MYOM2: variants seen among roughly 807,000 people sequenced by gnomAD.
MYOM2 encodes the protein myomesin-2.
MYOM2 carries 254 observed loss-of-function variants against 187.6 expected under a neutral mutation model. That is an observed-to-expected ratio of 1.35 (90% confidence interval 1.22 to 1.50). MYOM2 has a LOEUF of 1.50. Among genes scored for constraint, MYOM2 ranks in the 40% most tolerant of loss-of-function variants. The pLI is 0.00. For missense variants in MYOM2, 2,796 were observed against 1,924.0 expected, an observed-to-expected ratio of 1.45 and a Z score of -8.48; for synonymous variants, 981 against 753.8, an observed-to-expected ratio of 1.30 and a Z score of -4.94.
intron 14 of MYOM2, among the ~76,000 whole-genome samples, chr8:2,089,182 A>G (rs1239558675): frequency 2.4e-5 from 1 of 41,310 alleles, no homozygotes; most frequent in Non-Finnish European, 6.3e-5. Flanking sequence ...TACTTTCGAA[A>G]AAGGCGTTTT....
At chr8:2,132,198 G>A (rs1217614680) in intron 32 of MYOM2, among the ~76,000 whole-genome samples, 1 of 152,168 alleles carries the variant, frequency 6.6e-6, no homozygotes, top group Non-Finnish European at 1.5e-5. Flanking sequence ...ATGAAGCCAG[G>A]GAGTGGAGCT....
chr8:2,094,203 A>C, intron 17 of MYOM2, 112 bp downstream of exon 17: 1 of 1,378,824 alleles, frequency 7.3e-7, no homozygotes, highest in Non-Finnish European at 9.9e-7. Context: ...AAAGGGGACT[A>C]AATTCCTGAA....
intron 14 of MYOM2, among the ~76,000 whole-genome samples, chr8:2,086,363 C>T (rs1295796800): frequency 0.01 from 173 of 16,936 alleles, 22 homozygotes; most frequent in East Asian, 0.015. Flanking sequence ...CGTGGCCTCC[C>T]ACTGTTGTGA....
intron 13 of MYOM2, 69 bp from the exon 14 acceptor site, chr8:2,085,194 G>T (rs977118615): frequency 5.1e-6 from 8 of 1,571,498 alleles, no homozygotes; most frequent in Non-Finnish European, 6.9e-6. Context: ...GTCCTCCAGT[G>T]CCCCGAGGTG....
At chr8:2,057,998 GTTTTTTTTTTTTTTTTTTTTTTTTTTT>G (rs572901199) in intron 5 of MYOM2, among the ~76,000 whole-genome samples, 2 of 80,716 alleles carry the variant, frequency 2.5e-5, no homozygotes, top group Non-Finnish European at 4.6e-5. Flanking sequence ...TTTTCAGAGG[GTTTTTTTTTTTTTTTTTTTTTTTTTTT>G]TTTTTTTTTT....
At chr8:2,142,037 C>T (rs1024409042) in intron 34 of MYOM2, among the ~76,000 whole-genome samples, 5 of 149,504 alleles carry the variant, frequency 3.3e-5, no homozygotes, top group South Asian at 2.1e-4. Flanking sequence ...TGACAAATTC[C>T]GAAAATATCT....
At chr8:2,046,414 T>G (rs991665431) in intron 1 of MYOM2, among the ~76,000 whole-genome samples, 2 of 152,104 alleles carry the variant, frequency 1.3e-5, no homozygotes, top group African/African-American at 4.8e-5. Context: ...TGGTGGAAAG[T>G]GGGCTGGACG....
chr8:2,136,917 C>A (rs943192999), intron 32 of MYOM2, among the ~76,000 whole-genome samples: 1 of 152,140 alleles, frequency 6.6e-6, no homozygotes, highest in African/African-American at 2.4e-5. Context: ...GCGCAACTTT[C>A]GTGGCCCAGT....
chr8:2,101,179 C>T, intron 20 of MYOM2, 125 bp downstream of exon 20: 1 of 933,382 alleles, frequency 1.1e-6, no homozygotes, highest in Non-Finnish European at 1.6e-6. Context: ...AGCCCCGTCT[C>T]TACTAAAAAT....
chr8:2,138,131 C>T (rs142314372), intron 32 of MYOM2, among the ~76,000 whole-genome samples: 1,915 of 152,344 alleles, frequency 0.013, 14 homozygotes, highest in Middle Eastern at 0.024. Context: ...GCTCACAGGA[C>T]GGCTGGTGTG....
rs974315632 is a variant in MYOM2, at chr8:2,129,182, G to C, written c.3750G>C (p.Gln1250His). The change falls in exon 32 of 37, where the codon CAG (glutamine) becomes CAC (histidine). Residue 1250 changes from glutamine (Q) to histidine (H), a missense_variant. Transcript: ENST00000262113. ...GCACCCCAGAAGGAATACGACTTCA[G>C]TGTTTCATGAAGTATTTTACAGACG... ...VLCTPEGIRL[Q>H]CFMKYFTDEM... is the part of the protein sequence containing the mutation. 4 of 1,612,378 alleles carry C rather than the reference G, an allele frequency of 2.5e-6. No individual in the cohort carries two copies. Among genetic ancestry groups the C allele is most frequent in the Non-Finnish European group, 3.4e-6 (4 of 1,178,428 alleles).
At chr8:2,141,736 C>A (rs571149544) in intron 34 of MYOM2, among the ~76,000 whole-genome samples, 3 of 152,226 alleles carry the variant, frequency 2.0e-5, no homozygotes, top group East Asian at 3.9e-4. Context: ...TGGTTTATGG[C>A]CATGCTGACA....
rs141602216 is a variant in MYOM2 at position 2,084,952 on chromosome 8, G to A, written c.1517-311G>A. The A allele has an allele frequency of 3.9e-4, 128 of 329,968 alleles. No homozygotes were observed. The East Asian group carries it at 7.3e-3, about 19-fold the overall frequency. The allele number at this position is 329,968 out of a possible 1,614,324, so 20.4% of individuals were successfully genotyped here. A position where few individuals can be genotyped will look rare whatever the true frequency, so the allele number is the denominator to read the frequency against. On this transcript the variant is annotated intron_variant, in intron 13 of 36. Coordinates refer to ENST00000262113, the MANE Select transcript of MYOM2 (RefSeq NM_003970.4). ...CCCAACACAGTCAGAGCCCCATTTC[G>A]GGTGCAATGCCTGGTTTCTTCTGGT...
intron 3 of MYOM2, among the ~76,000 whole-genome samples, chr8:2,056,777 G>A (rs1009591949): frequency 6.6e-6 from 1 of 152,078 alleles, no homozygotes; most frequent in African/African-American, 2.4e-5. Flanking sequence ...CAATAGCACC[G>A]TTAGCCCAGT....
chr8:2,078,700 T>A (rs560202325), intron 11 of MYOM2, 34 bp from the exon 12 acceptor site: 2 of 1,606,668 alleles, frequency 1.2e-6, no homozygotes, highest in Admixed American at 1.7e-5. Flanking sequence ...CCACATTTGC[T>A]ATTCTCTGTT....
chr8:2,143,902 T>C (rs548813538), intron 36 of MYOM2, among the ~76,000 whole-genome samples: 2 of 152,332 alleles, frequency 1.3e-5, no homozygotes, highest in South Asian at 4.1e-4. Flanking sequence ...AAATCTCTGC[T>C]CCTATTCTCA....
At chr8:2,088,607 C>T (rs1173442593) in intron 14 of MYOM2, among the ~76,000 whole-genome samples, 1 of 152,246 alleles carries the variant, frequency 6.6e-6, no homozygotes, top group African/African-American at 2.4e-5. Flanking sequence ...TGATTTCTTT[C>T]CTCTTTATGG....
intron 6 of MYOM2, among the ~76,000 whole-genome samples, chr8:2,062,401 C>G (rs544841563): frequency 5.9e-5 from 9 of 152,210 alleles, no homozygotes; most frequent in Non-Finnish European, 8.8e-5. Context: ...CGGGAGGGAG[C>G]AGGGGAGTGG....
At chr8:2,138,445 CTG>C (rs1367048019) in intron 32 of MYOM2, among the ~76,000 whole-genome samples, 1 of 152,214 alleles carries the variant, frequency 6.6e-6, no homozygotes, top group African/African-American at 2.4e-5. Flanking sequence ...AGATGCGGGA[CTG>C]AGAGATTCCT....
Sources: allele counts gnomAD v4.1 joint callset (sites outside exome capture counted in the v4.1 genomes callset), GRCh38; gene constraint gnomAD v4.1.1; transcripts MANE v1.5; gene names NCBI Gene and HGNC (gene_info 2026-07-23, HGNC 2026-07-21).